ZDHHC7: variants seen among roughly 807,000 people sequenced by gnomAD.
ZDHHC7 encodes the protein palmitoyltransferase ZDHHC7.
ZDHHC7 carries 12 observed loss-of-function variants against 34.1 expected under a neutral mutation model. The ratio of observed to expected loss-of-function variants is 0.35; its 90% CI spans 0.23 to 0.57. The LOEUF (loss-of-function observed/expected upper bound fraction) is 0.57, where lower values mean the gene tolerates loss of function less well. ZDHHC7 is among the 20% of genes least tolerant of loss of function. ZDHHC7 has a pLI of 0.84. For missense variants in ZDHHC7, 388 were observed against 402.7 expected, an observed-to-expected ratio of 0.96 and a Z score of 0.31; for synonymous variants, 185 against 155.4, an observed-to-expected ratio of 1.19 and a Z score of -1.42.
At chr16:84,992,012 C>G (rs1476649390) in intron 2 of ZDHHC7, among the ~76,000 whole-genome samples, 1 of 151,838 alleles carries the variant, frequency 6.6e-6, no homozygotes, top group Non-Finnish European at 1.5e-5. Flanking sequence ...CCCGTCTCTA[C>G]TAAAAATACA....
At chr16:85,007,891 G>C (rs2072738619) in intron 1 of ZDHHC7, among the ~76,000 whole-genome samples, 1 of 152,040 alleles carries the variant, frequency 6.6e-6, no homozygotes, top group South Asian at 2.1e-4. Context: ...GGGCGGCCAA[G>C]GCAGGTGGAT....
intron 3 of ZDHHC7, among the ~76,000 whole-genome samples, chr16:84,985,134 G>C (rs919749964): frequency 5.9e-5 from 9 of 152,162 alleles, no homozygotes; most frequent in Non-Finnish European, 1.2e-4. Context: ...ATGCCTTCAG[G>C]CTCCTCCCTC....
At chr16:85,010,547 C>G (rs2072777118) in intron 1 of ZDHHC7, among the ~76,000 whole-genome samples, 1 of 152,176 alleles carries the variant, frequency 6.6e-6, no homozygotes, top group South Asian at 2.1e-4. Flanking sequence ...ACTGTAGCAG[C>G]GATTTGCCCA....
intron 1 of ZDHHC7, among the ~76,000 whole-genome samples, chr16:84,999,076 G>A (rs535646585): frequency 6.6e-6 from 1 of 152,234 alleles, no homozygotes; most frequent in African/African-American, 2.4e-5. Context: ...TTTATATATA[G>A]TAACTTTATT....
At chr16:85,008,640 C>T (rs1029912148) in intron 1 of ZDHHC7, among the ~76,000 whole-genome samples, 11 of 151,978 alleles carry the variant, frequency 7.2e-5, no homozygotes, top group African/African-American at 2.4e-4. Flanking sequence ...ATGTTACAAC[C>T]GAAGGGTCAC....
intron 3 of ZDHHC7, among the ~76,000 whole-genome samples, chr16:84,989,383 C>G (rs781423626): frequency 2.8e-4 from 43 of 152,142 alleles, no homozygotes; most frequent in Non-Finnish European, 5.3e-4. Context: ...GTGAGCTGAT[C>G]CGTTTCAGTT....
At chr16:85,011,764 C>G (rs1205548076), upstream of ZDHHC7, among the ~76,000 whole-genome samples, 3 of 152,346 alleles carry the variant, frequency 2.0e-5, no homozygotes, top group South Asian at 4.1e-4. Context: ...GGGTCCAAGC[C>G]ACGCCGTTAG....
In ZDHHC7 at chr16:84,988,614, G is replaced by A. The variant is rs574574891; in HGVS notation, c.315+1690C>T. On this transcript the variant is annotated intron_variant, in intron 3 of 7. Transcript: ENST00000313732. ...GGGCCTTTTCCGCAGGAGCAGGAGCGGGGTGGGAGCAGAAGCTGGACTGCT... is the reference window on the plus strand; with the variant it reads ...GGGCCTTTTCCGCAGGAGCAGGAGCAGGGTGGGAGCAGAAGCTGGACTGCT... 5.7e-4 allele frequency: 392 copies of A among 692,400 alleles called. 3 individuals carry two copies. The highest frequency in any genetic ancestry group is 8.6e-4 in the Non-Finnish European group (354 of 410,250). 42.9% of individuals were successfully genotyped at this position (692,400 alleles called of 1,614,324 possible).
At chr16:85,005,192 A>G (rs1487821071) in intron 1 of ZDHHC7, among the ~76,000 whole-genome samples, 1 of 152,212 alleles carries the variant, frequency 6.6e-6, no homozygotes, top group African/African-American at 2.4e-5. Flanking sequence ...GTCCCAGGGA[A>G]GAGCAGAGCC....
chr16:84,981,547 C>A (rs1567493240), intron 4 of ZDHHC7, among the ~76,000 whole-genome samples: 1 of 152,222 alleles, frequency 6.6e-6, no homozygotes, highest in East Asian at 1.9e-4. Context: ...CACACACGTG[C>A]TGGCCTGTGT....
At chr16:84,994,631 C>T (rs1470388816) in intron 2 of ZDHHC7, among the ~76,000 whole-genome samples, 4 of 152,182 alleles carry the variant, frequency 2.6e-5, no homozygotes, top group Non-Finnish European at 5.9e-5. Context: ...GCTGCTGTGG[C>T]TCCATGCCTG....
At chr16:84,986,562 T>A (rs941480655) in intron 3 of ZDHHC7, among the ~76,000 whole-genome samples, 39 of 152,242 alleles carry the variant, frequency 2.6e-4, no homozygotes, top group African/African-American at 7.7e-4. Context: ...TGGGTGGCCT[T>A]CCTCCCTCCC....
chr16:84,985,715 G>C (rs2072427379), intron 3 of ZDHHC7, among the ~76,000 whole-genome samples: 1 of 152,070 alleles, frequency 6.6e-6, no homozygotes, highest in Admixed American at 6.6e-5. Flanking sequence ...AGAACTTTGG[G>C]AGGCCGAGGC....
At chr16:85,025,696 C>T in the ZDHHC7 span, among the ~76,000 whole-genome samples, 1 of 152,246 alleles carries the variant, frequency 6.6e-6, no homozygotes, top group Non-Finnish European at 1.5e-5. Flanking sequence ...GCGTCAGCCA[C>T]CGCGCCCGGC....
intron 6 of ZDHHC7, 43 bp from the exon 7 acceptor site, chr16:84,977,268 C>A (rs1475299553): frequency 6.2e-7 from 1 of 1,604,516 alleles, no homozygotes; most frequent in Admixed American, 1.7e-5. Context: ...CCTGAATACC[C>A]CGAGTGGCAG....
In ZDHHC7 at chr16:84,976,450, C is replaced by T. The variant is rs1355993027; in HGVS notation, c.820G>A (p.Val274Ile). 4 of 1,614,020 alleles carry T rather than the reference C, an allele frequency of 2.5e-6. No individual in the cohort carries two copies. Among genetic ancestry groups the T allele is most frequent in the Non-Finnish European group, 2.5e-6 (3 of 1,180,036 alleles). ...AGGAGTGAGGGGGGCCCCCCAAAGA[C>T]GGACTTCATCCCTTCCCATCGCAGC... ...RRLRWEGMKS[V>I]FGGPPSLLWM... The change falls in exon 8 of 8, where the codon GTC becomes ATC. Residue 274 changes from valine (V) to isoleucine (I), a missense_variant. Transcript: ENST00000313732.
chr16:84,982,739 C>A (rs1159624754), intron 3 of ZDHHC7, among the ~76,000 whole-genome samples: 1 of 152,260 alleles, frequency 6.6e-6, no homozygotes, highest in Admixed American at 6.5e-5. Flanking sequence ...TCATGTCTGG[C>A]AACGAGGCCG....
In ZDHHC7 at chr16:84,988,522, C is replaced by T. The variant is rs554751727; in HGVS notation, c.315+1782G>A. On this transcript the variant is annotated intron_variant, in intron 3 of 7. Transcript: ENST00000313732. ...AGCAAAAGAAATCTGCCCACCAGGG[C>T]GGCAGCACGCCCTGCACACACCTTC... Among the ~76,000 whole-genome samples the T allele has an allele frequency of 4.6e-5, 7 of 152,314 alleles. No homozygotes were observed. In the East Asian group the frequency reaches 9.7e-4, roughly 21 times the overall value.
At chr16:85,022,405 C>A in the ZDHHC7 span, among the ~76,000 whole-genome samples, 1 of 152,014 alleles carries the variant, frequency 6.6e-6, no homozygotes, top group African/African-American at 2.4e-5. Context: ...TGCGTGTAAT[C>A]CCAGCTACTT....
Sources: gnomAD v4.1 joint callset for allele counts (sites outside exome capture counted in the v4.1 genomes callset) on GRCh38, gnomAD v4.1.1 for gene constraint, MANE v1.5 for transcripts, NCBI Gene and HGNC (gene_info 2026-07-23, HGNC 2026-07-21) for gene names.